Variants in ACVR2B observed in about 807,000 individuals in gnomAD.
ACVR2B encodes activin receptor type-2B.
ACVR2B carries 18 observed loss-of-function variants against 65.1 expected under a neutral mutation model. That is an observed-to-expected ratio of 0.28 (90% CI 0.19 to 0.41). The LOEUF (loss-of-function observed/expected upper bound fraction) is 0.41, where lower values mean the gene tolerates loss of function less well. Among genes scored for constraint, ACVR2B ranks in the 10% least tolerant of loss-of-function variants. ACVR2B has a pLI of 1.00. For missense variants in ACVR2B, 482 were observed against 682.7 expected (o/e 0.71, Z 3.28); for synonymous variants, 298 against 277.7 (o/e 1.07, Z -0.73).
At position 38,481,177 on chromosome 3, in the gene ACVR2B, C is replaced by T. The variant is rs1287046280; in HGVS notation, c.960-174C>T. Among the ~76,000 whole-genome samples, 1 of 152,110 alleles carries T rather than the reference C, an allele frequency of 6.6e-6. No homozygotes were observed. The highest frequency in any genetic ancestry group is 1.5e-5 in the Non-Finnish European group (1 of 68,032). Reference sequence around the variant, plus strand: ...TGAAGTGCACTGAGGGATTCTCACACCCATGTCGGCGCCTGCAGCTGCCTG... The same window carrying T: ...TGAAGTGCACTGAGGGATTCTCACATCCATGTCGGCGCCTGCAGCTGCCTG... On this transcript the variant is annotated intron_variant, in intron 7 of 10. Coordinates refer to ENST00000352511, the MANE Select transcript of ACVR2B (RefSeq NM_001106.4). The surrounding 1 kb of genome is among the most constrained non-coding windows in gnomAD (Gnocchi z 4.7).
In ACVR2B at chr3:38,485,216, C is replaced by T. The variant is rs1412418774; in HGVS notation, c.*1884C>T. The T allele has an allele frequency of 6.6e-6, 1 of 152,226 alleles. No homozygotes were observed. The highest frequency in any genetic ancestry group is 1.9e-4 in the East Asian group (1 of 5,200). The allele number at this position is 152,226 out of a possible 1,614,324, so 9.4% of individuals were successfully genotyped here. A position where few individuals can be genotyped will look rare whatever the true frequency, so the allele number is the denominator to read the frequency against. On this transcript the variant is annotated 3_prime_UTR_variant, in exon 11 of 11. Coordinates refer to ENST00000352511, the MANE Select transcript of ACVR2B (RefSeq NM_001106.4). ...CATGTAATTCACATGTAACATGTAACTTGATCGGTCAGTGTTCAGAATGAC... is the reference window on the plus strand; with the variant it reads ...CATGTAATTCACATGTAACATGTAATTTGATCGGTCAGTGTTCAGAATGAC...
intron 1 of ACVR2B, among the ~76,000 whole-genome samples, chr3:38,469,587 A>G: frequency 6.6e-6 from 1 of 152,224 alleles, no homozygotes; most frequent in East Asian, 1.9e-4. Context: ...TGGCATTTAT[A>G]CCATCCTGTT....
chr3:38,481,459 C>T lies in ACVR2B; in HGVS notation c.1068C>T (p.His356=), dbSNP rs564946664. ...CAGGGAAACCTCCAGGGGACACCCA[C>T]GGACAGGTAACAGGCCTCACAGGGC... ...FEPGKPPGDT[H]GQVGTRRYMA... is the part of the protein sequence containing the mutation. The change falls in exon 8 of 11, where the codon CAC becomes CAT. Residue 356 remains histidine (H), a synonymous_variant. Transcript: ENST00000352511. This position sits in a 1 kb window ranked among gnomAD's most constrained non-coding sequence, Gnocchi z 4.7. The T allele has an allele frequency of 5.5e-5, 89 of 1,613,948 alleles. No homozygotes were observed. In the South Asian group the frequency reaches 7.4e-4, roughly 13 times the overall value.
At position 38,478,149 on chromosome 3, in the gene ACVR2B, G is replaced by A. The variant is rs777404502; in HGVS notation, c.379G>A (p.Glu127Lys). 12 of 1,611,760 alleles carry A rather than the reference G, an allele frequency of 7.4e-6. No individual in the cohort carries two copies. Among genetic ancestry groups the A allele is most frequent in the Admixed American group, 3.3e-5 (2 of 59,980 alleles). ...PEAGGPEVTY[E>K]PPPTAPTLLT... The stretch of plus-strand genomic sequence containing the variant: ...CTCTGTGTGTCCCCCAGTCACGTAC[G>A]AGCCACCCCCGACAGCCCCCACCCT... Residue 127 changes from glutamate (E) to lysine (K), a missense_variant, in exon 4 of 11, where the codon GAG (glutamate) becomes AAG (lysine). By Grantham distance (56) the Glu-to-Lys change is moderately conservative. This residue lies in a region of ACVR2B where 85 missense variants were observed against 137.3 expected (regional missense o/e 0.62). Transcript: ENST00000352511.
In ACVR2B at chr3:38,458,218, C is replaced by T. The variant is rs533442238; in HGVS notation, c.52+3844C>T. 2.0e-5 allele frequency among the ~76,000 whole-genome samples: 3 copies of T among 152,330 alleles called. No individual in the cohort carries two copies. In the East Asian group the frequency reaches 5.8e-4, roughly 29 times the overall value. On this transcript the variant is annotated intron_variant, in intron 1 of 10. Coordinates refer to ENST00000352511, the MANE Select transcript of ACVR2B (RefSeq NM_001106.4). ...AGCACCTGGACCTCTGCTGGCACTT[C>T]ACCTAAGGAACTCCTGTTATAAGGA...
chr3:38,461,606 C>T (rs1425318588), intron 1 of ACVR2B, among the ~76,000 whole-genome samples: 3 of 152,088 alleles, frequency 2.0e-5, no homozygotes, highest in East Asian at 1.9e-4. Flanking sequence ...CCTGAAACCT[C>T]GCATCCAAAC....
chr3:38,455,663 G>T (rs1709537570), intron 1 of ACVR2B, among the ~76,000 whole-genome samples: 1 of 152,212 alleles, frequency 6.6e-6, no homozygotes, highest in Non-Finnish European at 1.5e-5. Flanking sequence ...GGAAACCGAA[G>T]GGCAAAGACC....
At chr3:38,463,360 A>G (rs1340089926) in intron 1 of ACVR2B, among the ~76,000 whole-genome samples, 1 of 152,204 alleles carries the variant, frequency 6.6e-6, no homozygotes, top group Non-Finnish European at 1.5e-5. Context: ...CTGATTTCAT[A>G]TGTCGTGATA....
rs564166847 is a variant in ACVR2B, at chr3:38,479,926, A to G, written c.959+100A>G. 26 of 1,450,736 alleles carry G rather than the reference A, an allele frequency of 1.8e-5. No homozygotes were observed. The African/African-American group carries it at 3.5e-4, about 20-fold the overall frequency. 89.9% of individuals were successfully genotyped at this position (1,450,736 alleles called of 1,614,324 possible). A position where few individuals can be genotyped will look rare whatever the true frequency, so the allele number is the denominator to read the frequency against. On this transcript the variant is annotated intron_variant, in intron 7 of 10. Coordinates refer to ENST00000352511, the MANE Select transcript of ACVR2B (RefSeq NM_001106.4). ...CTGGAGATGTCTCAACTTCCTAAACATACTTACCCTGCTTGCTGTGTGTCC... is the reference window on the plus strand; with the variant it reads ...CTGGAGATGTCTCAACTTCCTAAACGTACTTACCCTGCTTGCTGTGTGTCC...
At position 38,489,323 on chromosome 3, in the gene ACVR2B, C is replaced by T. The variant is rs1710174447; in HGVS notation, c.*5991C>T. On this transcript the variant is annotated 3_prime_UTR_variant, in exon 11 of 11. Transcript: ENST00000352511. The stretch of plus-strand genomic sequence containing the variant: ...TACACAGTGTGGAGATTGTTTTATA[C>T]CACAGATTATTTTTATAAAGTTAGT... 6.6e-6 allele frequency: 1 copy of T among 152,544 alleles called. No homozygotes were observed. The highest frequency in any genetic ancestry group is 2.1e-4 in the South Asian group (1 of 4,824). 9.4% of individuals were successfully genotyped at this position (152,544 alleles called of 1,614,324 possible).
At chr3:38,455,693 T>TA (rs1709538399) in intron 1 of ACVR2B, among the ~76,000 whole-genome samples, 1 of 152,064 alleles carries the variant, frequency 6.6e-6, no homozygotes, top group South Asian at 2.1e-4. Context: ...CTGAGTACCG[T>TA]ATGGAAGAGG....
chr3:38,470,348 A>C (rs1227384702), intron 1 of ACVR2B, among the ~76,000 whole-genome samples: 1 of 152,252 alleles, frequency 6.6e-6, no homozygotes, highest in Non-Finnish European at 1.5e-5. Context: ...ATATCTGCAA[A>C]GTTAAATTAA....
At position 38,481,887 on chromosome 3, in the gene ACVR2B, T is replaced by C. The variant is rs1299232882; in HGVS notation, c.1075-311T>C. On this transcript the variant is annotated intron_variant, in intron 8 of 10. Transcript: ENST00000352511. This position sits in a 1 kb window ranked among gnomAD's most constrained non-coding sequence, Gnocchi z 4.7. ...TTTTTAAGTGTTCTCCTTCCCTCTT[T>C]GTTTTTGGTCTTAATCTCAGTCAGA... 6.6e-6 allele frequency among the ~76,000 whole-genome samples: 1 copy of C among 152,224 alleles called. No individual in the cohort carries two copies. The highest frequency in any genetic ancestry group is 1.5e-5 in the Non-Finnish European group (1 of 68,040).
Position 38,485,666 on chromosome 3 carries a change from CTTTTTTTTTTTTTT to C in ACVR2B, c.*2348_*2361del, listed in dbSNP as rs59343196. On this transcript the variant is annotated 3_prime_UTR_variant, in exon 11 of 11. Transcript: ENST00000352511. ...ACAGGGTTTCGGTAAGCTATGTTGT[CTTTTTTTTTTTTTT>C]TTTTTTTTTTTTTAATGGTTTGATT... is the stretch of plus-strand genomic sequence containing the variant. The C allele has an allele frequency of 7.5e-5, 3 of 39,794 alleles. No homozygotes were observed. The highest frequency in any genetic ancestry group is 1.3e-4 in the Non-Finnish European group (3 of 23,240). 2.5% of individuals were successfully genotyped at this position (39,794 alleles called of 1,614,324 possible). A position where few individuals can be genotyped will look rare whatever the true frequency, so the allele number is the denominator to read the frequency against.
intron 1 of ACVR2B, among the ~76,000 whole-genome samples, chr3:38,465,986 C>A (rs1450925416): frequency 6.6e-6 from 1 of 152,126 alleles, no homozygotes; most frequent in Non-Finnish European, 1.5e-5. Flanking sequence ...CAGTGGAAGC[C>A]AGAAGATAAT....
At chr3:38,459,144 T>C (rs1709597742) in intron 1 of ACVR2B, among the ~76,000 whole-genome samples, 1 of 152,184 alleles carries the variant, frequency 6.6e-6, no homozygotes, top group South Asian at 2.1e-4. Context: ...TTTGAGTGCA[T>C]ATCCATCCCC....
At chr3:38,482,048 G>A in intron 8 of ACVR2B, 150 bp from the exon 9 acceptor site, 1 of 924,492 alleles carries the variant, frequency 1.1e-6, no homozygotes, top group African/African-American at 1.6e-5. Context: ...TGTTGTGAAT[G>A]TGGTGAATCG....
chr3:38,485,816 T>C lies in ACVR2B; in HGVS notation c.*2484T>C, dbSNP rs1338214271. 1.3e-5 allele frequency: 2 copies of C among 152,486 alleles called. No individual in the cohort carries two copies. Among genetic ancestry groups the C allele is most frequent in the African/African-American group, 4.8e-5 (2 of 41,378 alleles). 9.4% of individuals were successfully genotyped at this position (152,486 alleles called of 1,614,324 possible). On this transcript the variant is annotated 3_prime_UTR_variant, in exon 11 of 11. Transcript: ENST00000352511. ...TCTTTAAGAAGCTTTAAAATATTTA[T>C]TGAAAAGTGCCATATCTAATTTCTT...
chr3:38,478,370 C>G lies in ACVR2B; in HGVS notation c.523-5C>G, dbSNP rs1378844384. 2 of 1,613,944 alleles carry G rather than the reference C, an allele frequency of 1.2e-6. No individual in the cohort carries two copies. The highest frequency in any genetic ancestry group is 1.7e-5 in the Admixed American group (1 of 60,004). Reference sequence around the variant, plus strand: ...CAGACCTTTTTAAGCCTTGCTCTCCCCCAGGACCCTGGGCCTCCACCACCA... The same window carrying G: ...CAGACCTTTTTAAGCCTTGCTCTCCGCCAGGACCCTGGGCCTCCACCACCA... On this transcript the variant is annotated splice_polypyrimidine_tract_variant and splice_region_variant and intron_variant, in intron 4 of 10. Coordinates refer to ENST00000352511, the MANE Select transcript of ACVR2B (RefSeq NM_001106.4).
Sources: gnomAD v4.1 joint callset for allele counts (sites outside exome capture counted in the v4.1 genomes callset) on GRCh38, gnomAD v4.1.1 for gene constraint, gnomAD v4.1.1 regional missense constraint, Gnocchi (gnomAD v3.1) non-coding constraint, MANE v1.5 for transcripts, NCBI Gene and HGNC (gene_info 2026-07-23, HGNC 2026-07-21) for gene names.